Variants in SLC41A3 observed in about 807,000 individuals in gnomAD.
SLC41A3 encodes solute carrier family 41 member 3.
A neutral mutation model predicts 45.4 loss-of-function variants in SLC41A3; 44 were observed. The observed-to-expected ratio is 0.97, with a 90% CI of 0.76 to 1.25. The LOEUF is 1.25. Among genes scored for constraint, SLC41A3 ranks in the 50% most tolerant of loss-of-function variants. SLC41A3 has a pLI of 0.00. For missense variants in SLC41A3, 550 were observed against 600.6 expected (o/e 0.92, Z 0.88); for synonymous variants, 256 against 252.4 (o/e 1.01, Z -0.13).
intron 3 of SLC41A3, among the ~76,000 whole-genome samples, chr3:126,047,872 A>G (rs1303355072): frequency 2.0e-5 from 3 of 152,246 alleles, no homozygotes; most frequent in Non-Finnish European, 4.4e-5. Flanking sequence ...ACAGGTGACA[A>G]AAGCAAAAAT....
rs942401031 is a variant in SLC41A3 at position 126,049,484 on chromosome 3, C to CA, written c.381+1458dup. On this transcript the variant is annotated intron_variant, in intron 3 of 10. Coordinates refer to ENST00000360370, the MANE Select transcript of SLC41A3 (RefSeq NM_017836.4). ...CCTGGGTGACACAGCAAAACTGTCT[C>CA]AAAAAAAAAATGCAGTTAAACACTA... Among the ~76,000 whole-genome samples the CA allele has an allele frequency of 3.8e-4, 56 of 148,606 alleles. No homozygotes were observed. The South Asian group carries it at 5.0e-3, about 13-fold the overall frequency.
At chr3:126,077,893 G>C (rs1025068019) in intron 1 of SLC41A3, among the ~76,000 whole-genome samples, 2 of 152,234 alleles carry the variant, frequency 1.3e-5, no homozygotes, top group African/African-American at 2.4e-5. Context: ...GTGCAGTGGG[G>C]ACAGGGCACA....
chr3:126,021,915 G>A (rs1335841909), intron 6 of SLC41A3, among the ~76,000 whole-genome samples: 3 of 152,142 alleles, frequency 2.0e-5, no homozygotes, highest in Non-Finnish European at 4.4e-5. Flanking sequence ...CTATGGATTG[G>A]CTATATTATT....
chr3:126,051,117 G>A, intron 2 of SLC41A3, 67 bp from the exon 3 acceptor site: 1 of 1,457,168 alleles, frequency 6.9e-7, no homozygotes, highest in South Asian at 1.6e-5. Context: ...AATTTCTTGA[G>A]AGAACCTTCA....
At chr3:126,060,366 C>T (rs1943994023) in intron 2 of SLC41A3, among the ~76,000 whole-genome samples, 1 of 151,862 alleles carries the variant, frequency 6.6e-6, no homozygotes, top group African/African-American at 2.4e-5. Flanking sequence ...TTGCGGTGAG[C>T]TGAGATCATG....
upstream of SLC41A3, among the ~76,000 whole-genome samples, chr3:126,087,545 A>G (rs746918453): frequency 1.3e-5 from 2 of 152,184 alleles, no homozygotes; most frequent in Admixed American, 6.5e-5. Flanking sequence ...AAGGTTATGT[A>G]TAAAACAAGG....
intron 3 of SLC41A3, among the ~76,000 whole-genome samples, chr3:126,037,958 C>T (rs546308452): frequency 1.3e-5 from 2 of 152,232 alleles, no homozygotes; most frequent in Admixed American, 6.5e-5. Context: ...CTCCCAACAT[C>T]CCTGGCTGTT....
At chr3:126,033,109 GGGGTTAA>G (rs1247207526) in intron 4 of SLC41A3, among the ~76,000 whole-genome samples, 1 of 152,188 alleles carries the variant, frequency 6.6e-6, no homozygotes, top group Non-Finnish European at 1.5e-5. Flanking sequence ...AAGCAGCTAA[GGGGTTAA>G]GATGTCTCTT....
At chr3:126,046,777 C>T (rs545742990) in intron 3 of SLC41A3, among the ~76,000 whole-genome samples, 9 of 151,462 alleles carry the variant, frequency 5.9e-5, no homozygotes, top group South Asian at 2.1e-4. Context: ...GCCTGGCCAA[C>T]ATGATGAAAC....
chr3:126,066,793 T>G (rs925055576), intron 2 of SLC41A3, among the ~76,000 whole-genome samples: 7 of 152,150 alleles, frequency 4.6e-5, no homozygotes, highest in Non-Finnish European at 2.9e-5. Flanking sequence ...AACAAGGGAA[T>G]GTGGGGGAGT....
At chr3:126,051,226 T>C (rs1277912159) in intron 2 of SLC41A3, among the ~76,000 whole-genome samples, 176 bp from the exon 3 acceptor site, 1 of 152,238 alleles carries the variant, frequency 6.6e-6, no homozygotes, top group African/African-American at 2.4e-5. Flanking sequence ...TGTGAAAACC[T>C]TTTAGTGCTG....
chr3:126,046,276 G>T (rs923820923), intron 3 of SLC41A3, among the ~76,000 whole-genome samples: 8 of 151,838 alleles, frequency 5.3e-5, no homozygotes. Flanking sequence ...AAAGTAAAAG[G>T]TGTACAAATT....
chr3:126,050,487 T>G (rs1158369524), intron 3 of SLC41A3, among the ~76,000 whole-genome samples: 1 of 152,154 alleles, frequency 6.6e-6, no homozygotes, highest in Non-Finnish European at 1.5e-5. Context: ...TGATCAAGCA[T>G]TCAGGGAGCC....
At chr3:126,067,244 T>C (rs1944398261) in intron 2 of SLC41A3, among the ~76,000 whole-genome samples, 1 of 152,204 alleles carries the variant, frequency 6.6e-6, no homozygotes, top group Admixed American at 6.5e-5. Flanking sequence ...CAATGATTTA[T>C]GTCAAGATGA....
rs767567339 is a variant in SLC41A3 at position 126,022,874 on chromosome 3, G to A, written c.657C>T (p.Asn219=). ...GARKLGVNPD[N]IATPIAASLG... is the part of the protein sequence containing the mutation. Reference sequence around the variant, plus strand: ...GGCTGGCTGCAATGGGCGTGGCAATGTTGTCTGGGTTGACCCCGAGCTTTC... The same window carrying A: ...GGCTGGCTGCAATGGGCGTGGCAATATTGTCTGGGTTGACCCCGAGCTTTC... Residue 219 remains asparagine, a synonymous_variant, in exon 6 of 11, where the codon AAC becomes AAT. Transcript: ENST00000360370. 1.2e-6 allele frequency: 2 copies of A among 1,614,242 alleles called. No individual in the cohort carries two copies. Among genetic ancestry groups the A allele is most frequent in the South Asian group, 1.1e-5 (1 of 91,082 alleles).
chr3:126,018,621 T>G (rs1164496955), intron 6 of SLC41A3, among the ~76,000 whole-genome samples: 1 of 152,182 alleles, frequency 6.6e-6, no homozygotes, highest in East Asian at 1.9e-4. Context: ...AGGCCTACAT[T>G]CCCATGGGGA....
At chr3:126,053,247 C>T (rs1452953450) in intron 2 of SLC41A3, among the ~76,000 whole-genome samples, 1 of 152,174 alleles carries the variant, frequency 6.6e-6, no homozygotes. Flanking sequence ...GTATGCGTGG[C>T]ATCCTCATTA....
In SLC41A3 at chr3:126,076,276, A is replaced by T. The variant is rs529469728; in HGVS notation, c.-28+7817T>A. Among the ~76,000 whole-genome samples the T allele has an allele frequency of 1.6e-3, 237 of 152,352 alleles. 1 individual carries two copies. The highest frequency in any genetic ancestry group is 5.1e-3 in the Admixed American group (78 of 15,304). On this transcript the variant is annotated intron_variant, in intron 1 of 10. Coordinates refer to ENST00000360370, the MANE Select transcript of SLC41A3 (RefSeq NM_017836.4). ...TTAGAAAAATGCAAATCAAAACCAC[A>T]GTAAGATACCACCTAACATAATGTT... is the stretch of plus-strand genomic sequence containing the variant.
chr3:126,061,234 G>A (rs1349987052), intron 2 of SLC41A3, among the ~76,000 whole-genome samples: 1 of 152,166 alleles, frequency 6.6e-6, no homozygotes, highest in Non-Finnish European at 1.5e-5. Flanking sequence ...CACAGATCAG[G>A]CCAATTAAAT....
Sources: gnomAD v4.1 joint callset for allele counts (sites outside exome capture counted in the v4.1 genomes callset) on GRCh38, gnomAD v4.1.1 for gene constraint, MANE v1.5 for transcripts, NCBI Gene and HGNC (gene_info 2026-07-23, HGNC 2026-07-21) for gene names.